The following LARGE1 variants were observed in gnomAD, a reference collection of about 807,000 sequenced individuals.
LARGE1 encodes xylosyl- and glucuronyltransferase LARGE1.
LARGE1 carries 43 observed loss-of-function variants against 87.6 expected under a neutral mutation model. The ratio of observed to expected loss-of-function variants is 0.49; its 90% CI spans 0.38 to 0.63. The LOEUF (loss-of-function observed/expected upper bound fraction) is 0.63, where lower values mean the gene tolerates loss of function less well. Among genes scored for constraint, LARGE1 ranks in the 30% least tolerant of loss-of-function variants. The probability of loss-of-function intolerance (pLI) is 0.00; values close to 1 mark genes in which losing one functional copy is unlikely to be tolerated. For synonymous variants in LARGE1, 434 were observed against 394.6 expected (o/e 1.10, Z -1.18); for missense variants, 802 against 1,000.2 (o/e 0.80, Z 2.67).
At chr22:33,442,811 G>A (rs1352677070) in intron 6 of LARGE1, among the ~76,000 whole-genome samples, 1 of 93,832 alleles carries the variant, frequency 1.1e-5, no homozygotes, top group Non-Finnish European at 2.2e-5. Context: ...TTTTTTTTTT[G>A]AGATGGAGTC....
chr22:33,509,499 T>C (rs915956190), intron 6 of LARGE1, among the ~76,000 whole-genome samples: 1 of 152,092 alleles, frequency 6.6e-6, no homozygotes, highest in African/African-American at 2.4e-5. Context: ...TCACCCAGCC[T>C]GGAGAGCAAA....
rs140563959 is a variant in LARGE1, at chr22:33,356,436, C to T, written c.1132-18635G>A. Among the ~76,000 whole-genome samples, 9 of 152,306 alleles carry T rather than the reference C, an allele frequency of 5.9e-5. No homozygotes were observed. In the East Asian group the frequency reaches 1.7e-3, roughly 29 times the overall value. On this transcript the variant is annotated intron_variant, in intron 9 of 14. Transcript: ENST00000397394. ...CCACCAACCGGTGTTTAACCTTAGG[C>T]AAGGTGTTTAACCTTTGTGTGTCTC...
At chr22:33,191,730 A>G (rs1333679549) in intron 11 of LARGE1, among the ~76,000 whole-genome samples, 1 of 152,228 alleles carries the variant, frequency 6.6e-6, no homozygotes, top group African/African-American at 2.4e-5. Flanking sequence ...AGGGTCATGT[A>G]GGCATTGGTG....
intron 3 of LARGE1, among the ~76,000 whole-genome samples, chr22:33,646,960 C>T (rs919480451): frequency 2.6e-5 from 4 of 152,216 alleles, no homozygotes; most frequent in African/African-American, 9.6e-5. Context: ...AACTCCTGAA[C>T]TCAGGTGATC....
intron 2 of LARGE1, among the ~76,000 whole-genome samples, chr22:33,748,949 G>GTC (rs1235795550): frequency 2.0e-5 from 3 of 152,180 alleles, no homozygotes; most frequent in African/African-American, 7.2e-5. Context: ...TAAAACAAGG[G>GTC]TCTCTCTGGA....
intron 5 of LARGE1, among the ~76,000 whole-genome samples, chr22:33,588,066 C>T (rs1289528185): frequency 1.3e-5 from 2 of 152,172 alleles, no homozygotes; most frequent in Non-Finnish European, 2.9e-5. Context: ...TGGGAATCCT[C>T]CGTGCTGAAT....
chr22:33,237,847 C>T (rs1275207515), intron 11 of LARGE1, among the ~76,000 whole-genome samples: 1 of 152,176 alleles, frequency 6.6e-6, no homozygotes, highest in African/African-American at 2.4e-5. Flanking sequence ...GATGAGATAG[C>T]ATGGTCCATG....
Position 33,730,412 on chromosome 22 carries a change from C to T in LARGE1, c.106+30959G>A, listed in dbSNP as rs994445217. On this transcript the variant is annotated intron_variant, in intron 2 of 14. Transcript: ENST00000397394. Reference sequence around the variant, plus strand: ...AAGTCAAAAGTTATATGCATCTCCACGATGTGCTTATTTCACATTGCATGC... The same window carrying T: ...AAGTCAAAAGTTATATGCATCTCCATGATGTGCTTATTTCACATTGCATGC... 2.6e-5 allele frequency among the ~76,000 whole-genome samples: 4 copies of T among 152,186 alleles called. No individual in the cohort carries two copies. In the South Asian group the frequency reaches 8.3e-4, roughly 31 times the overall value.
chr22:33,384,479 C>T (rs1395415188), intron 7 of LARGE1, among the ~76,000 whole-genome samples, 175 bp from the exon 8 acceptor site: 2 of 124,750 alleles, frequency 1.6e-5, no homozygotes, highest in East Asian at 3.9e-4. Context: ...AATGAGGCTC[C>T]ACAGTATGGG....
At chr22:33,447,261 G>A (rs2067719995) in intron 6 of LARGE1, among the ~76,000 whole-genome samples, 1 of 152,208 alleles carries the variant, frequency 6.6e-6, no homozygotes, top group East Asian at 1.9e-4. Context: ...GATTTGAGCA[G>A]GTGGAAATCA....
intron 1 of LARGE1, among the ~76,000 whole-genome samples, chr22:33,823,695 TCTC>T (rs2062702608): frequency 6.6e-6 from 1 of 152,176 alleles, no homozygotes; most frequent in Non-Finnish European, 1.5e-5. Context: ...GCCAATGACT[TCTC>T]CTGCCCATTG....
chr22:33,344,090 C>T (rs1347651945), intron 9 of LARGE1, among the ~76,000 whole-genome samples: 1 of 152,118 alleles, frequency 6.6e-6, no homozygotes, highest in Non-Finnish European at 1.5e-5. Flanking sequence ...TGTTGCCCAC[C>T]AGATTAAGGG....
intron 1 of LARGE1, among the ~76,000 whole-genome samples, chr22:33,860,244 A>G (rs1477553215): frequency 6.6e-6 from 1 of 152,154 alleles, no homozygotes; most frequent in Non-Finnish European, 1.5e-5. Context: ...CTACCGCTTC[A>G]GCTTCCCAAA....
intron 2 of LARGE1, among the ~76,000 whole-genome samples, chr22:33,755,184 T>G: frequency 6.6e-6 from 1 of 152,332 alleles, no homozygotes; most frequent in Non-Finnish European, 1.5e-5. Flanking sequence ...GGGGTTCATG[T>G]TGATAAAAAT....
the LARGE1 span, among the ~76,000 whole-genome samples, chr22:33,066,890 A>C: frequency 6.6e-6 from 1 of 152,172 alleles, no homozygotes; most frequent in Non-Finnish European, 1.5e-5. Context: ...CCTGAACTCC[A>C]GCCATCTGGC....
intron 2 of LARGE1, chr22:33,725,619 C>T (rs1347051804): frequency 6.6e-6 from 1 of 152,186 alleles, no homozygotes; most frequent in Non-Finnish European, 1.5e-5. Flanking sequence ...TAGGTTGAAA[C>T]AAAACGTTCA....
At chr22:33,447,435 C>A (rs2067728094) in intron 6 of LARGE1, among the ~76,000 whole-genome samples, 1 of 151,994 alleles carries the variant, frequency 6.6e-6, no homozygotes. Flanking sequence ...AAACCAGGAG[C>A]CGGGAGGTGA....
At chr22:33,135,231 G>C in the LARGE1 span, among the ~76,000 whole-genome samples, 1 of 152,174 alleles carries the variant, frequency 6.6e-6, no homozygotes, top group African/African-American at 2.4e-5. Flanking sequence ...GCCTGTAGCT[G>C]AGTAAGGCTG....
chr22:33,498,902 G>A (rs892385380), intron 6 of LARGE1, among the ~76,000 whole-genome samples: 2 of 152,148 alleles, frequency 1.3e-5, no homozygotes, highest in African/African-American at 4.8e-5. Context: ...AATCCAGGAG[G>A]CGGAGGTTGC....
Sources: gnomAD v4.1 joint callset for allele counts (sites outside exome capture counted in the v4.1 genomes callset) on GRCh38, gnomAD v4.1.1 for gene constraint, MANE v1.5 for transcripts, NCBI Gene and HGNC (gene_info 2026-07-23, HGNC 2026-07-21) for gene names.